The following RBM20 variants were observed in gnomAD, a reference collection of about 807,000 sequenced individuals.
The protein encoded by RBM20 is RNA-binding protein 20.
In RBM20, 51 loss-of-function variants were observed where a neutral mutation model predicts 110.1. The observed-to-expected ratio is 0.46, with a 90% CI of 0.37 to 0.59. RBM20 has a LOEUF of 0.59. RBM20 is among the 20% of genes least tolerant of loss of function. The pLI, the probability that RBM20 is intolerant of heterozygous loss-of-function variation, is 0.00. For synonymous variants in RBM20, 589 were observed against 618.2 expected (o/e 0.95, Z 0.70); for missense variants, 1,512 against 1,574.9 (o/e 0.96, Z 0.68).
At chr10:110,794,029 CT>C (rs1590683737) in intron 5 of RBM20, among the ~76,000 whole-genome samples, 1 of 152,212 alleles carries the variant, frequency 6.6e-6, no homozygotes, top group East Asian at 1.9e-4. Context: ...GCCGGTGCCC[CT>C]GATGTACAAA....
At chr10:110,695,246 A>C (rs1453587523) in intron 1 of RBM20, among the ~76,000 whole-genome samples, 1 of 152,222 alleles carries the variant, frequency 6.6e-6, no homozygotes, top group African/African-American at 2.4e-5. Flanking sequence ...TTGGAAATTT[A>C]ACATGAAATA....
At chr10:110,699,662 A>G (rs924409229) in intron 1 of RBM20, among the ~76,000 whole-genome samples, 2 of 152,208 alleles carry the variant, frequency 1.3e-5, no homozygotes, top group Middle Eastern at 3.4e-3. Flanking sequence ...TTTTTCCTTT[A>G]TACGGTGGTC....
chr10:110,718,975 A>G (rs535909222), intron 1 of RBM20, among the ~76,000 whole-genome samples: 2 of 152,338 alleles, frequency 1.3e-5, no homozygotes, highest in Admixed American at 1.3e-4. Flanking sequence ...TAATCTGCTT[A>G]AATAATACGC....
intron 1 of RBM20, among the ~76,000 whole-genome samples, chr10:110,767,986 G>C (rs1041602427): frequency 6.6e-6 from 1 of 152,248 alleles, no homozygotes; most frequent in Non-Finnish European, 1.5e-5. Flanking sequence ...CCTGCACCTC[G>C]GTAGGCCGAG....
At chr10:110,697,266 G>A (rs1387260713) in intron 1 of RBM20, among the ~76,000 whole-genome samples, 4 of 152,212 alleles carry the variant, frequency 2.6e-5, no homozygotes, top group Non-Finnish European at 5.9e-5. Flanking sequence ...CTGAAGATGG[G>A]TGTCCATGCG....
chr10:110,784,316 G>T (rs373480856), intron 3 of RBM20, 25 bp from the exon 4 acceptor site: 5 of 1,504,736 alleles, frequency 3.3e-6, no homozygotes, highest in Non-Finnish European at 3.6e-6. Context: ...TTAAGGAGCC[G>T]GTTTCCCTTT....
rs572635951 is a variant in RBM20 at position 110,666,434 on chromosome 10, A to G, written c.191+21789A>G. On this transcript the variant is annotated intron_variant, in intron 1 of 13. Coordinates refer to ENST00000369519, the MANE Select transcript of RBM20 (RefSeq NM_001134363.3). ...GAGGCAGGACGATTGCCTGAGGCCA[A>G]TAGTTTGAGACTAGCCTGGGCAATA... Among the ~76,000 whole-genome samples, 4 of 152,270 alleles carry G rather than the reference A, an allele frequency of 2.6e-5. No homozygotes were observed. In the East Asian group the frequency reaches 5.8e-4, roughly 22 times the overall value.
intron 1 of RBM20, among the ~76,000 whole-genome samples, chr10:110,691,237 A>T (rs1373389208): frequency 1.3e-5 from 2 of 152,254 alleles, no homozygotes; most frequent in East Asian, 3.9e-4. Flanking sequence ...CAGCCTTCAG[A>T]ACTGTAAGAA....
intron 1 of RBM20, among the ~76,000 whole-genome samples, chr10:110,746,102 A>G (rs888064854): frequency 1.8e-4 from 27 of 152,098 alleles, no homozygotes; most frequent in Non-Finnish European, 3.4e-4. Context: ...TGGAATTCAT[A>G]TGCGTGGGAC....
At chr10:110,660,794 A>G (rs1046684215) in intron 1 of RBM20, among the ~76,000 whole-genome samples, 1 of 152,122 alleles carries the variant, frequency 6.6e-6, no homozygotes, top group South Asian at 2.1e-4. Context: ...ATATATTACA[A>G]TAAATAATAA....
chr10:110,698,582 G>A (rs1382160931), intron 1 of RBM20, among the ~76,000 whole-genome samples: 1 of 152,208 alleles, frequency 6.6e-6, no homozygotes, highest in Non-Finnish European at 1.5e-5. Flanking sequence ...TCCTCTTACA[G>A]CCTGACAGAG....
intron 1 of RBM20, among the ~76,000 whole-genome samples, chr10:110,740,956 C>A (rs1445673079): frequency 1.3e-5 from 2 of 152,168 alleles, no homozygotes; most frequent in Non-Finnish European, 2.9e-5. Context: ...ATTACCTGGG[C>A]TTCAGAGCCT....
intron 1 of RBM20, among the ~76,000 whole-genome samples, chr10:110,734,867 T>G (rs11195292): frequency 0.26 from 38,978 of 152,074 alleles, 5,767 homozygotes; most frequent in Middle Eastern, 0.37. Context: ...CTGAAAACGT[T>G]AAATGGGAAA....
Position 110,813,394 on chromosome 10 carries a change from C to A in RBM20, c.2550+447C>A, listed in dbSNP as rs1844800499. Among the ~76,000 whole-genome samples the A allele has an allele frequency of 9.2e-5, 14 of 152,318 alleles. 1 individual carries two copies. In the South Asian group the frequency reaches 2.9e-3, roughly 32 times the overall value. On this transcript the variant is annotated intron_variant, in intron 9 of 13. Coordinates refer to ENST00000369519, the MANE Select transcript of RBM20 (RefSeq NM_001134363.3). ...AAGAGCCTCCCAAGGGAGATTAGAT[C>A]TTTGGTTCATTCTGTCCTCCCTCCT...
chr10:110,795,675 G>A (rs1040615743), intron 5 of RBM20, among the ~76,000 whole-genome samples: 4 of 152,190 alleles, frequency 2.6e-5, no homozygotes, highest in African/African-American at 9.7e-5. Flanking sequence ...AGAAAATTGT[G>A]ATTATGCAAA....
intron 12 of RBM20, among the ~76,000 whole-genome samples, chr10:110,826,585 T>C (rs1169567322): frequency 9.4e-5 from 3 of 31,946 alleles, no homozygotes; most frequent in African/African-American, 1.5e-4. Context: ...TTCTTCTTCT[T>C]TTTTTTTTTT....
intron 1 of RBM20, among the ~76,000 whole-genome samples, chr10:110,706,492 A>G (rs1486624943): frequency 6.6e-6 from 1 of 152,226 alleles, no homozygotes; most frequent in Non-Finnish European, 1.5e-5. Context: ...ATCCGCCAGG[A>G]AATGCAACGG....
chr10:110,796,009 A>C (rs1485111594), intron 5 of RBM20, among the ~76,000 whole-genome samples: 1 of 152,248 alleles, frequency 6.6e-6, no homozygotes, highest in Non-Finnish European at 1.5e-5. Context: ...GTTTGAAGAA[A>C]GGACTCCAAG....
At chr10:110,694,172 G>C (rs988163543) in intron 1 of RBM20, among the ~76,000 whole-genome samples, 19 of 152,214 alleles carry the variant, frequency 1.2e-4, no homozygotes, top group East Asian at 1.9e-4. Context: ...TTAACCATAG[G>C]TATCCCAACC....
Sources: gnomAD v4.1 joint callset for allele counts (sites outside exome capture counted in the v4.1 genomes callset) on GRCh38, gnomAD v4.1.1 for gene constraint, MANE v1.5 for transcripts, NCBI Gene and HGNC (gene_info 2026-07-23, HGNC 2026-07-21) for gene names.